Variants in RPS27A observed in about 807,000 individuals in gnomAD.
RPS27A encodes ubiquitin-ribosomal protein eS31 fusion protein.
In RPS27A, 1 loss-of-function variant was observed where a neutral mutation model predicts 18.9. That is an observed-to-expected ratio of 0.05 (90% CI 0.02 to 0.25). The LOEUF (loss-of-function observed/expected upper bound fraction) is 0.25. Among genes scored for constraint, RPS27A ranks in the 10% least tolerant of loss-of-function variants. The pLI is 1.00. For missense variants in RPS27A, 123 were observed against 187.4 expected (o/e 0.66, Z 2.01); for synonymous variants, 77 against 63.7 (o/e 1.21, Z -0.99).
At chr2:55,233,655 G>C (rs1207103047) in intron 3 of RPS27A, 1 of 545,790 alleles carries the variant, frequency 1.8e-6, no homozygotes, top group African/African-American at 1.9e-5. Flanking sequence ...GTGTGAGATG[G>C]AGTCTCCTCT....
chr2:55,235,330 A>G, intron 5 of RPS27A, 98 bp from the exon 6 acceptor site: 3 of 1,321,788 alleles, frequency 2.3e-6, no homozygotes, highest in South Asian at 2.4e-5. Context: ...CAAAACCACC[A>G]GTATTACACA....
At chr2:55,234,394 C>A in intron 4 of RPS27A, 190 bp downstream of exon 4, 1 of 610,462 alleles carries the variant, frequency 1.6e-6, no homozygotes, top group Non-Finnish European at 2.9e-6. Flanking sequence ...GAACTATAGG[C>A]ACCCGCCACC....
intron 3 of RPS27A, 26 bp from the exon 4 acceptor site, chr2:55,234,093 A>C (rs1337977116): frequency 2.0e-6 from 3 of 1,523,440 alleles, no homozygotes; most frequent in Non-Finnish European, 2.7e-6. Flanking sequence ...GTGTGCTGTG[A>C]CTTAATTTTT....
chr2:55,235,096 T>A (rs966468867), intron 5 of RPS27A, 134 bp downstream of exon 5: 1 of 981,458 alleles, frequency 1.0e-6, no homozygotes, highest in East Asian at 2.6e-5. Context: ...TGAGGTATTC[T>A]GGAAATGAGA....
chr2:55,234,019 C>A, intron 3 of RPS27A, 100 bp from the exon 4 acceptor site: 1 of 816,564 alleles, frequency 1.2e-6, no homozygotes, highest in East Asian at 2.4e-5. Flanking sequence ...TATTGTCAGC[C>A]TTTAGTATCA....
intron 2 of RPS27A, 116 bp downstream of exon 2, chr2:55,232,988 C>G (rs542043698): frequency 7.7e-5 from 71 of 916,850 alleles, no homozygotes; most frequent in Middle Eastern, 2.1e-4. Context: ...GGTTCTAAAA[C>G]TTAAGCTTTG....
chr2:55,234,701 G>A, intron 4 of RPS27A, 130 bp from the exon 5 acceptor site: 10 of 1,017,126 alleles, frequency 9.8e-6, no homozygotes, highest in African/African-American at 1.6e-5. Flanking sequence ...ACTTTATTGG[G>A]TTTGGGGGCT....
chr2:55,235,679 C>A lies in RPS27A; in HGVS notation c.*102C>A, dbSNP rs1388934673. On this transcript the variant is annotated 3_prime_UTR_variant, in exon 6 of 6. Coordinates refer to ENST00000272317, the MANE Select transcript of RPS27A (RefSeq NM_002954.6). The stretch of plus-strand genomic sequence containing the variant: ...ACCAAATTGATGGTCACACCATTTC[C>A]TTTTAGTAGTGCTACTGCTATCGCT... 2 of 1,308,792 alleles carry A rather than the reference C, an allele frequency of 1.5e-6. No individual in the cohort carries two copies. Among genetic ancestry groups the A allele is most frequent in the Non-Finnish European group, 2.2e-6 (2 of 919,072 alleles). 81.1% of individuals were successfully genotyped at this position (1,308,792 alleles called of 1,614,324 possible).
intron 2 of RPS27A, 31 bp from the exon 3 acceptor site, chr2:55,233,332 A>C: frequency 6.3e-7 from 1 of 1,581,348 alleles, no homozygotes; most frequent in Non-Finnish European, 8.7e-7. Flanking sequence ...CTTAATGTGT[A>C]ACCAACATGC....
Position 55,234,813 on chromosome 2 carries a change from T to A in RPS27A, c.190-18T>A. 1 of 1,611,828 alleles carries A rather than the reference T, an allele frequency of 6.2e-7. No homozygotes were observed. The highest frequency in any genetic ancestry group is 8.5e-7 in the Non-Finnish European group (1 of 1,179,866). On this transcript the variant is annotated intron_variant, in intron 4 of 5. Transcript: ENST00000272317. ...CTTAGTGGAATCATGAAAGCTTGCT[T>A]CATTCTTCCATTAACAGGAGTCTAC...
At chr2:55,233,669 G>T (rs1675624404) in intron 3 of RPS27A, 1 of 524,856 alleles carries the variant, frequency 1.9e-6, no homozygotes, top group South Asian at 2.0e-5. Flanking sequence ...CTCCTCTGTC[G>T]CCCAGGCTGG....
chr2:55,235,529 T>C lies in RPS27A; in HGVS notation c.423T>C (p.Cys141=). The C allele has an allele frequency of 6.2e-7, 1 of 1,608,448 alleles. No individual in the cohort carries two copies. The highest frequency in any genetic ancestry group is 8.5e-7 in the Non-Finnish European group (1 of 1,179,988). Residue 141 remains cysteine, a synonymous_variant, in exon 6 of 6, where the codon TGT becomes TGC. Coordinates refer to ENST00000272317, the MANE Select transcript of RPS27A (RefSeq NM_002954.6). ...FMASHFDRHY[C]GKCCLTYCFN... is the part of the protein sequence containing the mutation. ...CAAGTCACTTTGACAGACATTATTG[T>C]GGCAAATGTTGTCTGACTTACTGTT...
chr2:55,232,456 C>G (rs1675510546), upstream of RPS27A: 2 of 338,564 alleles, frequency 5.9e-6, no homozygotes, highest in Admixed American at 8.1e-5. Context: ...ACGGGAAAAG[C>G]CTTTTTAAAA....
chr2:55,235,689 T>TA lies in RPS27A; in HGVS notation c.*112_*113insA. On this transcript the variant is annotated 3_prime_UTR_variant, in exon 6 of 6. Transcript: ENST00000272317. ...TGGTCACACCATTTCCTTTTAGTAG[T>TA]GCTACTGCTATCGCTGTGTGAATGT... 3.3e-6 allele frequency: 4 copies of TA among 1,212,452 alleles called. No individual in the cohort carries two copies. The highest frequency in any genetic ancestry group is 1.2e-5 in the South Asian group (1 of 81,300). The allele number at this position is 1,212,452 out of a possible 1,614,324, so 75.1% of individuals were successfully genotyped here.
intron 4 of RPS27A, 59 bp downstream of exon 4, chr2:55,234,263 T>C: frequency 7.7e-7 from 1 of 1,300,694 alleles, no homozygotes. Context: ...GGAAATTTTT[T>C]ATTTTACTTT....
In RPS27A at chr2:55,233,358, CAT is replaced by C; in HGVS notation, c.49-3_49-2del. 6.2e-7 allele frequency: 1 copy of C among 1,610,168 alleles called. No individual in the cohort carries two copies. The highest frequency in any genetic ancestry group is 1.7e-4 in the Middle Eastern group (1 of 6,054). On this transcript the variant is annotated splice_polypyrimidine_tract_variant and splice_region_variant and intron_variant, in intron 2 of 5. Transcript: ENST00000272317. ...ACCAACATGCTTTCACTTTAACACT[CAT>C]AGGTTGAACCCTCGGATACGATAGA... is the stretch of plus-strand genomic sequence containing the variant.
intron 4 of RPS27A, 191 bp downstream of exon 4, chr2:55,234,395 A>C (rs1573830987): frequency 1.6e-6 from 1 of 608,648 alleles, no homozygotes. Flanking sequence ...AACTATAGGC[A>C]CCCGCCACCA....
At chr2:55,233,454 C>G in intron 3 of RPS27A, 37 bp downstream of exon 3, 3 of 1,510,532 alleles carry the variant, frequency 2.0e-6, no homozygotes, top group East Asian at 4.5e-5. Context: ...ACTTAACCTG[C>G]GGAGACTTCG....
rs1182469986 is a variant in RPS27A, at chr2:55,235,459, G to A, written c.353G>A (p.Arg118His). ...VDENGKISRL[R>H]RECPSDECGA... ...GAGAATGGCAAAATTAGTCGCCTTC[G>A]TCGAGAGTGCCCTTCTGATGAATGT... Residue 118 changes from arginine (R) to histidine (H), a missense_variant, in exon 6 of 6, where the codon CGT (arginine) becomes CAT (histidine). Around this residue, in one of 2 missense-constraint regions of RPS27A, gnomAD observed 57 missense variants for 114.8 expected, o/e 0.50. Transcript: ENST00000272317. The A allele has an allele frequency of 2.5e-6, 4 of 1,611,916 alleles. No homozygotes were observed. The highest frequency in any genetic ancestry group is 2.2e-5 in the East Asian group (1 of 44,888).
Sources: gnomAD v4.1 joint callset for allele counts on GRCh38, gnomAD v4.1.1 for gene constraint, gnomAD v4.1.1 regional missense constraint, MANE v1.5 for transcripts, NCBI Gene and HGNC (gene_info 2026-07-23, HGNC 2026-07-21) for gene names.